DEF6: variants seen among roughly 807,000 people sequenced by gnomAD.
DEF6 encodes the protein differentially expressed in FDCP 6 homolog.
Under a neutral mutation model 80.5 loss-of-function variants are expected in DEF6, and 32 were observed. The observed-to-expected ratio is 0.40, with a 90% CI of 0.30 to 0.53. The LOEUF is 0.53. Among genes scored for constraint, DEF6 ranks in the 20% least tolerant of loss-of-function variants. The pLI, the probability that DEF6 is intolerant of heterozygous loss-of-function variation, is 0.57. For synonymous variants in DEF6, 300 were observed against 337.9 expected (o/e 0.89, Z 1.23); for missense variants, 575 against 818.7 (o/e 0.70, Z 3.63).
chr6:35,301,899 G>A (rs1791319855), intron 1 of DEF6, among the ~76,000 whole-genome samples: 2 of 151,932 alleles, frequency 1.3e-5, no homozygotes, highest in Non-Finnish European at 2.9e-5. Flanking sequence ...GCTAATTTTT[G>A]TATTTTTAGT....
chr6:35,298,523 C>T (rs1791271993), intron 1 of DEF6, among the ~76,000 whole-genome samples: 3 of 152,158 alleles, frequency 2.0e-5, no homozygotes, highest in Admixed American at 2.0e-4. Context: ...CAGCTCACCC[C>T]CCTATCCACC....
chr6:35,311,899 G>T (rs1213522076), intron 3 of DEF6, among the ~76,000 whole-genome samples: 1 of 152,220 alleles, frequency 6.6e-6, no homozygotes, highest in Non-Finnish European at 1.5e-5. Context: ...CCAGTTTGCT[G>T]TGTGACTTAG....
chr6:35,312,558 A>C lies in DEF6; in HGVS notation c.660+20A>C. 1 of 1,613,994 alleles carries C rather than the reference A, an allele frequency of 6.2e-7. No individual in the cohort carries two copies. Among genetic ancestry groups the C allele is most frequent in the Non-Finnish European group, 8.5e-7 (1 of 1,179,904 alleles). On this transcript the variant is annotated intron_variant, in intron 4 of 10. Transcript: ENST00000316637. This position sits in a 1 kb window ranked among gnomAD's most constrained non-coding sequence, Gnocchi z 6.6. Reference sequence around the variant, plus strand: ...AAGCAGGTCAGGCAAGCTGGGAACTAGGGGAAGCACACAAGGTGCAGGGCG... The same window carrying C: ...AAGCAGGTCAGGCAAGCTGGGAACTCGGGGAAGCACACAAGGTGCAGGGCG...
At chr6:35,298,064 C>A in intron 1 of DEF6, 112 bp downstream of exon 1, 1 of 972,386 alleles carries the variant, frequency 1.0e-6, no homozygotes, top group Non-Finnish European at 1.6e-6. Context: ...AGCCATCCAG[C>A]GTCCCGGGCC....
chr6:35,312,495 T>C lies in DEF6; in HGVS notation c.617T>C (p.Ile206Thr). The change falls in exon 4 of 11, where the codon ATC becomes ACC. Residue 206 changes from isoleucine (I) to threonine (T), a missense_variant. Coordinates refer to ENST00000316637, the MANE Select transcript of DEF6 (RefSeq NM_022047.4). The surrounding 1 kb of genome is among the most constrained non-coding windows in gnomAD (Gnocchi z 6.6). ...GVGRDTLSMA[I>T]HEVYQELIQD... ...GGCCGGGACACCCTCAGCATGGCCA[T>C]CCACGAGGTCTACCAGGAGCTCATC... The C allele has an allele frequency of 6.2e-7, 1 of 1,614,092 alleles. No individual in the cohort carries two copies. The highest frequency in any genetic ancestry group is 8.5e-7 in the Non-Finnish European group (1 of 1,180,010).
chr6:35,309,817 C>T lies in DEF6; in HGVS notation c.237+7C>T, dbSNP rs1791440119. The T allele has an allele frequency of 3.7e-6, 6 of 1,613,450 alleles. No homozygotes were observed. Among genetic ancestry groups the T allele is most frequent in the South Asian group, 1.1e-5 (1 of 91,036 alleles). On this transcript the variant is annotated splice_region_variant and intron_variant, in intron 2 of 10. Coordinates refer to ENST00000316637, the MANE Select transcript of DEF6 (RefSeq NM_022047.4). ...CAAGTACATCCTGGACAAGGTGGGG[C>T]CCAGCTTGTAGGGAGCATCTGTAAC...
chr6:35,315,652 G>A (rs1791516591), intron 5 of DEF6, among the ~76,000 whole-genome samples: 2 of 151,896 alleles, frequency 1.3e-5, no homozygotes, highest in Middle Eastern at 3.4e-3. Flanking sequence ...TTCTTGTATA[G>A]ATCTTTCACT....
intron 1 of DEF6, among the ~76,000 whole-genome samples, chr6:35,298,804 T>A (rs1157127787): frequency 1.3e-5 from 2 of 152,108 alleles, no homozygotes; most frequent in Non-Finnish European, 2.9e-5. Flanking sequence ...AGGCCTCAGC[T>A]CTCTAGGACC....
intron 2 of DEF6, among the ~76,000 whole-genome samples, chr6:35,310,206 T>G (rs1562148422): frequency 6.6e-6 from 1 of 152,170 alleles, no homozygotes; most frequent in Non-Finnish European, 1.5e-5. Flanking sequence ...TTCTCCTTCT[T>G]TGTCCTCTGG....
In DEF6 at chr6:35,312,256, C is replaced by CTGT. The variant is rs1174774822; in HGVS notation, c.424-46_424-45insTGT. 1 of 1,561,722 alleles carries CTGT rather than the reference C, an allele frequency of 6.4e-7. No individual in the cohort carries two copies. The highest frequency in any genetic ancestry group is 8.8e-7 in the Non-Finnish European group (1 of 1,137,812). On this transcript the variant is annotated intron_variant, in intron 3 of 10. Transcript: ENST00000316637. The surrounding 1 kb of genome is among the most constrained non-coding windows in gnomAD (Gnocchi z 6.6). Reference sequence around the variant, plus strand: ...GAGCACTCCCTGGTGTTGGTGCTGGCAACACCACCTGCTGCAGCTACCAGG... The same window carrying CTGT: ...GAGCACTCCCTGGTGTTGGTGCTGGCTGTAACACCACCTGCTGCAGCTACCAGG...
Position 35,310,515 on chromosome 6 carries a change from G to A in DEF6, c.294G>A (p.Thr98=), listed in dbSNP as rs997238074. The A allele has an allele frequency of 1.5e-5, 25 of 1,614,022 alleles. No individual in the cohort carries two copies. The highest frequency in any genetic ancestry group is 1.9e-5 in the Non-Finnish European group (23 of 1,180,036). ...TTGATGAGCTGTGCTGGACGCTGAC[G>A]GCCAAGAAGAACTATCGGGCAGATA... ...EHFDELCWTL[T]AKKNYRADSN... is the part of the protein sequence containing the mutation. The change falls in exon 3 of 11, where the codon ACG becomes ACA. Residue 98 remains threonine, a synonymous_variant. Transcript: ENST00000316637.
chr6:35,310,202 T>G (rs1284264878), intron 2 of DEF6, among the ~76,000 whole-genome samples: 2 of 152,188 alleles, frequency 1.3e-5, no homozygotes, highest in Non-Finnish European at 2.9e-5. Context: ...GGGTTTCTCC[T>G]TCTTTGTCCT....
chr6:35,314,712 T>C (rs919571694), intron 5 of DEF6, among the ~76,000 whole-genome samples: 2 of 152,228 alleles, frequency 1.3e-5, no homozygotes, highest in Non-Finnish European at 2.9e-5. Context: ...TCCTATTCTG[T>C]GGGTTGTCTC....
chr6:35,317,689 C>T (rs779733766), intron 5 of DEF6: 5 of 537,988 alleles, frequency 9.3e-6, no homozygotes, highest in Non-Finnish European at 1.7e-5. Flanking sequence ...ACCCACCTAG[C>T]CTTCAAAGAG....
intron 1 of DEF6, among the ~76,000 whole-genome samples, chr6:35,298,587 G>C (rs1203106528): frequency 1.3e-5 from 2 of 152,200 alleles, no homozygotes; most frequent in South Asian, 4.1e-4. Context: ...AGGTAGGGAA[G>C]GGGGAGAATC....
intron 1 of DEF6, among the ~76,000 whole-genome samples, chr6:35,299,525 C>T (rs970952410): frequency 2.0e-5 from 3 of 152,170 alleles, no homozygotes; most frequent in Admixed American, 6.5e-5. Context: ...CCAGTAAAGC[C>T]TCCTAGCTTG....
chr6:35,307,630 G>A (rs1405768918), intron 1 of DEF6, among the ~76,000 whole-genome samples: 1 of 152,170 alleles, frequency 6.6e-6, no homozygotes, highest in Admixed American at 6.5e-5. Context: ...CCTGGAATTA[G>A]TGATAAAACC....
chr6:35,299,360 T>G (rs1562145574), intron 1 of DEF6, among the ~76,000 whole-genome samples: 1 of 152,200 alleles, frequency 6.6e-6, no homozygotes, highest in African/African-American at 2.4e-5. Flanking sequence ...TTTAATATCT[T>G]GCCAGACAAT....
At chr6:35,317,658 A>C in intron 5 of DEF6, 1 of 476,554 alleles carries the variant, frequency 2.1e-6, no homozygotes. Context: ...GCCCCGTGGA[A>C]TAATAGCAAG....
Sources: gnomAD v4.1 joint callset for allele counts (sites outside exome capture counted in the v4.1 genomes callset) on GRCh38, gnomAD v4.1.1 for gene constraint, Gnocchi (gnomAD v3.1) non-coding constraint, MANE v1.5 for transcripts, NCBI Gene and HGNC (gene_info 2026-07-23, HGNC 2026-07-21) for gene names.